The following SKAP1 variants were observed in gnomAD, a reference collection of about 807,000 sequenced individuals.
SKAP1 encodes the protein src kinase-associated phosphoprotein 1.
A neutral mutation model predicts 58.5 loss-of-function variants in SKAP1; 44 were observed. The observed-to-expected ratio is 0.75, with a 90% confidence interval of 0.59 to 0.97. The LOEUF is 0.97. Among genes scored for constraint, SKAP1 ranks in the 50% least tolerant of loss-of-function variants. The pLI is 0.00. For synonymous variants in SKAP1, 127 were observed against 149.7 expected (o/e 0.85, Z 1.11); for missense variants, 390 against 435.2 (o/e 0.90, Z 0.92).
intron 1 of SKAP1, among the ~76,000 whole-genome samples, chr17:48,397,519 C>T (rs534215053): frequency 1.8e-4 from 28 of 152,320 alleles, no homozygotes; most frequent in African/African-American, 6.5e-4. Context: ...AGCCACCGCG[C>T]CCGGCCTGGA....
chr17:48,337,579 AAAAAGGCCAAAAAAGAT>A, intron 4 of SKAP1, among the ~76,000 whole-genome samples: 1 of 152,226 alleles, frequency 6.6e-6, no homozygotes, highest in South Asian at 2.1e-4. Context: ...TAACATGGAC[AAAAAGGCCAAAAAAGAT>A]AATTAATTAG....
intron 4 of SKAP1, among the ~76,000 whole-genome samples, chr17:48,230,868 T>C (rs755556146): frequency 1.3e-5 from 2 of 152,224 alleles, no homozygotes; most frequent in Non-Finnish European, 2.9e-5. Context: ...TAATGACATA[T>C]TAACCTGATT....
In SKAP1 at chr17:48,164,147, G is replaced by T. The variant is rs148739228; in HGVS notation, c.878-1578C>A. Reference sequence around the variant, plus strand: ...TCATTTTTGGAAATATTAAGTACATGAAATAATAGAGAAATATCAATCCCT... The same window carrying T: ...TCATTTTTGGAAATATTAAGTACATTAAATAATAGAGAAATATCAATCCCT... On this transcript the variant is annotated intron_variant, in intron 10 of 12. Coordinates refer to ENST00000336915, the MANE Select transcript of SKAP1 (RefSeq NM_003726.4). 6.6e-5 allele frequency among the ~76,000 whole-genome samples: 10 copies of T among 152,272 alleles called. No homozygotes were observed. In the East Asian group the frequency reaches 1.9e-3, roughly 29 times the overall value.
intron 2 of SKAP1, among the ~76,000 whole-genome samples, chr17:48,370,160 C>A (rs1051370619): frequency 2.0e-5 from 3 of 152,108 alleles, no homozygotes; most frequent in Non-Finnish European, 4.4e-5. Flanking sequence ...AAAACAACGC[C>A]ATTAAAAAGT....
intron 4 of SKAP1, among the ~76,000 whole-genome samples, chr17:48,334,611 G>T (rs1598582971): frequency 6.6e-6 from 1 of 151,460 alleles, no homozygotes; most frequent in East Asian, 1.9e-4. Flanking sequence ...GGCCCAGCAG[G>T]TATCTAAGAA....
At chr17:48,321,347 CATTATTATTATTATTATTATTATTATT>C (rs59389347) in intron 4 of SKAP1, among the ~76,000 whole-genome samples, 2 of 137,570 alleles carry the variant, frequency 1.5e-5, no homozygotes, top group East Asian at 2.1e-4. Context: ...CCTTCTGTCT[CATTATTATTATTATTATTATTATTATT>C]ATTATTATTA....
At chr17:48,252,329 T>G (rs1382088739) in intron 4 of SKAP1, among the ~76,000 whole-genome samples, 1 of 152,174 alleles carries the variant, frequency 6.6e-6, no homozygotes, top group Non-Finnish European at 1.5e-5. Context: ...TAATCCCAGT[T>G]TTCTCACTCA....
intron 12 of SKAP1, among the ~76,000 whole-genome samples, chr17:48,135,209 G>A (rs534489801): frequency 5.3e-5 from 8 of 152,306 alleles, no homozygotes; most frequent in African/African-American, 1.7e-4. Context: ...GCACACTAGA[G>A]TGGGCTCTGG....
At chr17:48,247,026 C>G (rs1441805412) in intron 4 of SKAP1, among the ~76,000 whole-genome samples, 3 of 152,242 alleles carry the variant, frequency 2.0e-5, no homozygotes, top group Non-Finnish European at 4.4e-5. Flanking sequence ...CAAAAGTTCT[C>G]TCTAACCCAA....
At chr17:48,215,784 T>G (rs2064932701) in intron 4 of SKAP1, among the ~76,000 whole-genome samples, 2 of 151,984 alleles carry the variant, frequency 1.3e-5, no homozygotes, top group South Asian at 2.1e-4. Flanking sequence ...GGAAGCAGTA[T>G]GAGATCAGGG....
intron 4 of SKAP1, among the ~76,000 whole-genome samples, chr17:48,226,176 C>T (rs2065066545): frequency 6.6e-6 from 1 of 152,176 alleles, no homozygotes; most frequent in African/African-American, 2.4e-5. Flanking sequence ...ACTGACCCAC[C>T]TGACAGATGT....
At chr17:48,233,776 A>G (rs1243695010) in intron 4 of SKAP1, among the ~76,000 whole-genome samples, 1 of 152,104 alleles carries the variant, frequency 6.6e-6, no homozygotes, top group African/African-American at 2.4e-5. Context: ...GAATTGCTTG[A>G]ACCCAGGAGG....
At chr17:48,316,432 T>G (rs7219816) in intron 4 of SKAP1, among the ~76,000 whole-genome samples, 50,726 of 151,956 alleles carry the variant, frequency 0.33, 9,163 homozygotes, top group African/African-American at 0.47. Context: ...TTTCATTCAG[T>G]TTTCTGCTCA....
Position 48,250,437 on chromosome 17 carries a change from C to T in SKAP1, c.281-60937G>A, listed in dbSNP as rs144930176. 5.1e-3 allele frequency among the ~76,000 whole-genome samples: 769 copies of T among 151,376 alleles called. 3 individuals carry two copies. The highest frequency in any genetic ancestry group is 8.5e-3 in the Non-Finnish European group (579 of 67,878). On this transcript the variant is annotated intron_variant, in intron 4 of 12. Transcript: ENST00000336915. ...AGCTGGGATTACAGGCGTGCACCAC[C>T]GCGCCCAGCTAATTTTTGTATTTTT...
At chr17:48,266,376 T>C (rs1335367162) in intron 4 of SKAP1, among the ~76,000 whole-genome samples, 16 of 152,220 alleles carry the variant, frequency 1.1e-4, no homozygotes, top group Non-Finnish European at 2.4e-4. Context: ...AGTTGTTGCC[T>C]GTAAAATACG....
In SKAP1 at chr17:48,345,934, G is replaced by A. The variant is rs1438004436; in HGVS notation, c.251C>T (p.Ala84Val). The A allele has an allele frequency of 6.2e-7, 1 of 1,613,318 alleles. No individual in the cohort carries two copies. The highest frequency in any genetic ancestry group is 1.3e-5 in the African/African-American group (1 of 75,004). ...ATCCTGATAATCTGACAAAAAGGGT[G>A]CATCGGATGTGAGGGACAGGCCAAG... ...GTLGLSLTSD[A>V]PFLSDYQDEG... Residue 84 changes from alanine (A) to valine (V), a missense_variant, in exon 4 of 13, where the codon GCA becomes GTA. Coordinates refer to ENST00000336915, the MANE Select transcript of SKAP1 (RefSeq NM_003726.4).
chr17:48,296,610 A>G (rs1359931327), intron 4 of SKAP1, among the ~76,000 whole-genome samples: 1 of 152,144 alleles, frequency 6.6e-6, no homozygotes, highest in African/African-American at 2.4e-5. Flanking sequence ...GTAGCATTTG[A>G]ACTATTCAGT....
rs571721543 is a variant in SKAP1 at position 48,421,507 on chromosome 17, C to A, written c.46+8568G>T. Among the ~76,000 whole-genome samples the A allele has an allele frequency of 4.9e-4, 74 of 151,966 alleles. 1 individual carries two copies. The highest frequency in any genetic ancestry group is 1.3e-3 in the Admixed American group (20 of 15,278). On this transcript the variant is annotated intron_variant, in intron 1 of 12. Transcript: ENST00000336915. ...TTTAGTAGAGACGGGGTTTCACCAT[C>A]TTGGCCAGGCTGGTCTCGAACTCCT...
chr17:48,147,851 T>C (rs1230427592), intron 11 of SKAP1, among the ~76,000 whole-genome samples: 3 of 152,112 alleles, frequency 2.0e-5, no homozygotes, highest in Non-Finnish European at 2.9e-5. Flanking sequence ...GCTAGTTTTA[T>C]TTACTGTTAC....
Sources: gnomAD v4.1 joint callset for allele counts (sites outside exome capture counted in the v4.1 genomes callset) on GRCh38, gnomAD v4.1.1 for gene constraint, MANE v1.5 for transcripts, NCBI Gene and HGNC (gene_info 2026-07-23, HGNC 2026-07-21) for gene names.